Variants in INSL6 observed in about 807,000 individuals in gnomAD.
The protein encoded by INSL6 is insulin like 6.
INSL6 carries 16 observed loss-of-function variants against 9.4 expected under a neutral mutation model. The ratio of observed to expected loss-of-function variants is 1.70; its 90% CI spans 1.15 to 2.59. INSL6 has a LOEUF of 2.59. Ranked by LOEUF, INSL6 falls within the 30% of genes most tolerant of loss-of-function variation. The pLI, the probability that INSL6 is intolerant of heterozygous loss-of-function variation, is 0.00. For missense variants in INSL6, 391 were observed against 257.3 expected, an observed-to-expected ratio of 1.52 and a Z score of -3.56; for synonymous variants, 154 against 96.9, an observed-to-expected ratio of 1.59 and a Z score of -3.46.
intron 3 of INSL6, among the ~76,000 whole-genome samples, chr9:5,128,518 A>AAACTT (rs1219960980): frequency 4.0e-5 from 6 of 151,872 alleles, no homozygotes; most frequent in African/African-American, 1.2e-4. Context: ...TTTCATACTA[A>AAACTT]AACTTAACTA....
the INSL6 span, chr9:5,098,750 G>C: frequency 1.3e-5 from 2 of 151,254 alleles, no homozygotes; most frequent in African/African-American, 2.4e-5. Context: ...CTGCAGTGCA[G>C]TGGTGTGATC....
At chr9:5,060,408 T>A in the INSL6 span, among the ~76,000 whole-genome samples, 1 of 152,202 alleles carries the variant, frequency 6.6e-6, no homozygotes, top group African/African-American at 2.4e-5. Flanking sequence ...TAGAAATGAG[T>A]CAGTCCTCTC....
chr9:5,123,175 T>C, downstream of INSL6: 3 of 1,235,558 alleles, frequency 2.4e-6, no homozygotes, highest in Non-Finnish European at 3.5e-6. Flanking sequence ...TTGATTTTTA[T>C]AAATTTATGG....
chr9:5,059,734 T>TA, the INSL6 span, among the ~76,000 whole-genome samples: 1 of 152,316 alleles, frequency 6.6e-6, no homozygotes, highest in Admixed American at 6.5e-5. Context: ...AAAAATGTCT[T>TA]AGTTTGTCTG....
At chr9:5,089,724 C>A in the INSL6 span, 1 of 1,576,308 alleles carries the variant, frequency 6.3e-7, no homozygotes, top group South Asian at 1.2e-5. Flanking sequence ...TACAGGACAA[C>A]ACTGGGGAGG....
the INSL6 span, among the ~76,000 whole-genome samples, chr9:5,039,099 G>A: frequency 6.6e-6 from 1 of 152,100 alleles, no homozygotes; most frequent in Non-Finnish European, 1.5e-5. Flanking sequence ...TCAGGAATGA[G>A]ATGAGGATAG....
the INSL6 span, among the ~76,000 whole-genome samples, chr9:5,059,290 T>G: frequency 6.6e-6 from 1 of 152,204 alleles, no homozygotes; most frequent in Non-Finnish European, 1.5e-5. Flanking sequence ...TATCTATTAA[T>G]AAAGGTTGTA....
At chr9:5,141,071 T>C (rs1315958786) in intron 2 of INSL6, among the ~76,000 whole-genome samples, 1 of 152,218 alleles carries the variant, frequency 6.6e-6, no homozygotes, top group Non-Finnish European at 1.5e-5. Context: ...TAGTACTCCA[T>C]GGTGTATATG....
the INSL6 span, chr9:5,114,485 T>G: frequency 8.6e-6 from 4 of 465,770 alleles, 1 homozygote; most frequent in Admixed American, 1.0e-4. Context: ...GCGGCCCATG[T>G]GCTCCCCCAC....
chr9:5,040,646 G>A, the INSL6 span, among the ~76,000 whole-genome samples: 1 of 152,258 alleles, frequency 6.6e-6, no homozygotes, highest in South Asian at 2.1e-4. Context: ...TAAAAAGTAG[G>A]CAAGGGACTT....
the INSL6 span, among the ~76,000 whole-genome samples, chr9:5,064,629 A>T: frequency 4.6e-5 from 7 of 152,260 alleles, no homozygotes; most frequent in African/African-American, 1.7e-4. Flanking sequence ...TATTAGTCTA[A>T]GAAGGACATT....
chr9:5,041,314 GTGCAGCCAGCA>G, the INSL6 span: 2 of 781,878 alleles, frequency 2.6e-6, no homozygotes, highest in South Asian at 3.2e-5. Context: ...AGCACATCCC[GTGCAGCCAGCA>G]CAAGAGCTTG....
the INSL6 span, among the ~76,000 whole-genome samples, chr9:5,080,884 G>T: frequency 3.6e-5 from 5 of 140,532 alleles, no homozygotes; most frequent in Non-Finnish European, 6.1e-5. Flanking sequence ...TTTATAAAAA[G>T]ACCTTTTCTT....
intron 1 of INSL6, among the ~76,000 whole-genome samples, chr9:5,179,044 CAAA>C (rs57246500): frequency 1.5e-5 from 2 of 132,720 alleles, no homozygotes; most frequent in African/African-American, 2.7e-5. Flanking sequence ...TTCTGCACAG[CAAA>C]AAAAAAAAAA....
At chr9:5,019,719 G>T in the INSL6 span, among the ~76,000 whole-genome samples, 1 of 152,190 alleles carries the variant, frequency 6.6e-6, no homozygotes, top group Non-Finnish European at 1.5e-5. Context: ...AGATTTGACT[G>T]GGGTGTTTGT....
chr9:5,179,336 A>G (rs988843050), intron 1 of INSL6, among the ~76,000 whole-genome samples: 1 of 152,190 alleles, frequency 6.6e-6, no homozygotes, highest in African/African-American at 2.4e-5. Context: ...CAGAATGGCT[A>G]TTATTAAAGC....
At chr9:5,179,922 T>C (rs1234163095) in intron 1 of INSL6, among the ~76,000 whole-genome samples, 1 of 152,188 alleles carries the variant, frequency 6.6e-6, no homozygotes, top group South Asian at 2.1e-4. Context: ...GATAGGATGA[T>C]CTGTGCAGCA....
intron 2 of INSL6, among the ~76,000 whole-genome samples, chr9:5,142,195 T>C (rs150538557): frequency 9.9e-5 from 15 of 152,240 alleles, no homozygotes; most frequent in Middle Eastern, 3.4e-3. Flanking sequence ...CCTTGGCTAT[T>C]TGGCTCTTTT....
chr9:5,047,979 G>A, the INSL6 span, among the ~76,000 whole-genome samples: 2 of 152,094 alleles, frequency 1.3e-5, no homozygotes, highest in Admixed American at 1.3e-4. Flanking sequence ...TATTTATTAT[G>A]TTTTGGCATT....
Sources: allele counts gnomAD v4.1 joint callset (sites outside exome capture counted in the v4.1 genomes callset), GRCh38; gene constraint gnomAD v4.1.1; transcripts MANE v1.5; gene names NCBI Gene and HGNC (gene_info 2026-07-23, HGNC 2026-07-21).